Variants in TENM3 observed in about 807,000 individuals in gnomAD.
TENM3 encodes teneurin-3.
In TENM3, 63 loss-of-function variants were observed where a neutral mutation model predicts 255.1. The observed-to-expected ratio is 0.25, with a 90% confidence interval of 0.20 to 0.30. The LOEUF is 0.30. TENM3 is among the 10% of genes least tolerant of loss of function. The probability of loss-of-function intolerance (pLI) is 1.00; values close to 1 mark genes in which losing one functional copy is unlikely to be tolerated. For missense variants in TENM3, 2,929 were observed against 3,461.1 expected (o/e 0.85, Z 3.86); for synonymous variants, 1,306 against 1,322.3 (o/e 0.99, Z 0.27).
chr4:181,631,176 G>A, the TENM3 span, among the ~76,000 whole-genome samples: 1 of 152,110 alleles, frequency 6.6e-6, no homozygotes, highest in Non-Finnish European at 1.5e-5. Flanking sequence ...GCATCCTGAT[G>A]TCTGTTAGCT....
chr4:181,715,994 G>T, the TENM3 span, among the ~76,000 whole-genome samples: 1 of 152,100 alleles, frequency 6.6e-6, no homozygotes, highest in Non-Finnish European at 1.5e-5. Context: ...TTAGTCCATT[G>T]CATGGTTTTA....
chr4:182,415,382 A>T (rs1770293354), intron 3 of TENM3, among the ~76,000 whole-genome samples: 1 of 152,344 alleles, frequency 6.6e-6, no homozygotes, highest in East Asian at 1.9e-4. Flanking sequence ...ATGTAATGTT[A>T]TGACCAAAAT....
the TENM3 span, chr4:181,523,040 C>A: frequency 3.8e-5 from 23 of 603,594 alleles, no homozygotes; most frequent in South Asian, 3.1e-4. Context: ...GAAGGGAAAT[C>A]GCAAACGGAC....
At chr4:181,835,914 G>A in the TENM3 span, among the ~76,000 whole-genome samples, 1 of 152,132 alleles carries the variant, frequency 6.6e-6, no homozygotes, top group African/African-American at 2.4e-5. Flanking sequence ...TCTACTTTCA[G>A]GAATCTATTC....
At chr4:181,668,844 T>A in the TENM3 span, among the ~76,000 whole-genome samples, 1 of 152,170 alleles carries the variant, frequency 6.6e-6, no homozygotes, top group Non-Finnish European at 1.5e-5. Flanking sequence ...CTTCTCCTTA[T>A]CTCTTATTCG....
At chr4:181,889,219 A>G in the TENM3 span, among the ~76,000 whole-genome samples, 1 of 152,152 alleles carries the variant, frequency 6.6e-6, no homozygotes, top group African/African-American at 2.4e-5. Context: ...TGAGGGGCTT[A>G]GCACCATCCT....
chr4:182,100,670 C>CAT, the TENM3 span, among the ~76,000 whole-genome samples: 9 of 76,430 alleles, frequency 1.2e-4, 1 homozygote, highest in Admixed American at 1.5e-3. Flanking sequence ...CATATATACA[C>CAT]ATATATATAC....
chr4:182,537,001 G>A (rs527897303), intron 3 of TENM3, among the ~76,000 whole-genome samples: 1 of 152,096 alleles, frequency 6.6e-6, no homozygotes, highest in South Asian at 2.1e-4. Flanking sequence ...GATACACTAG[G>A]TACTTTGAAG....
intron 3 of TENM3, among the ~76,000 whole-genome samples, chr4:182,484,391 A>T (rs1016512247): frequency 1.3e-5 from 2 of 152,146 alleles, no homozygotes; most frequent in African/African-American, 4.8e-5. Context: ...AGAGTGCACT[A>T]TTACCAATCA....
At chr4:182,065,138 G>T in the TENM3 span, among the ~76,000 whole-genome samples, 5 of 151,044 alleles carry the variant, frequency 3.3e-5, no homozygotes, top group African/African-American at 1.2e-4. Flanking sequence ...GAGTTCAAGC[G>T]ATTCTCCTGC....
chr4:182,761,601 TAC>T (rs748840180), intron 22 of TENM3, among the ~76,000 whole-genome samples: 118 of 151,886 alleles, frequency 7.8e-4, no homozygotes, highest in Non-Finnish European at 1.5e-3. Flanking sequence ...TATATATGTA[TAC>T]ACACACACAC....
intron 3 of TENM3, among the ~76,000 whole-genome samples, chr4:182,472,268 T>C (rs1167511481): frequency 6.6e-6 from 1 of 152,196 alleles, no homozygotes; most frequent in Non-Finnish European, 1.5e-5. Context: ...CTCAATTTAC[T>C]AATTTGTAAT....
the TENM3 span, among the ~76,000 whole-genome samples, chr4:181,738,901 A>G: frequency 6.6e-6 from 1 of 151,996 alleles, no homozygotes; most frequent in Non-Finnish European, 1.5e-5. Context: ...GGCCTCACAC[A>G]AGCTATTCCA....
At chr4:182,284,698 G>C (rs933576294) in intron 1 of TENM3, among the ~76,000 whole-genome samples, 1 of 152,012 alleles carries the variant, frequency 6.6e-6, no homozygotes, top group Non-Finnish European at 1.5e-5. Flanking sequence ...CCAGTAGTTG[G>C]GAAGGGAAAA....
In TENM3 at chr4:182,292,559, G is replaced by T. The variant is rs553360098; in HGVS notation, c.-75-31387G>T. 2.3e-3 allele frequency among the ~76,000 whole-genome samples: 345 copies of T among 152,290 alleles called. 1 individual carries two copies. The highest frequency in any genetic ancestry group is 4.4e-3 in the Non-Finnish European group (300 of 68,022). On this transcript the variant is annotated intron_variant, in intron 1 of 27. Coordinates refer to ENST00000511685, the MANE Select transcript of TENM3 (RefSeq NM_001080477.4). ...CTACATCAGCCACCAGTTCCAAAAG[G>T]TATATGTTTTTGTCACAGTTCCTTT...
intron 3 of TENM3, among the ~76,000 whole-genome samples, chr4:182,586,918 G>T (rs1746075822): frequency 6.6e-6 from 1 of 152,060 alleles, no homozygotes; most frequent in South Asian, 2.1e-4. Context: ...TAGCGTCATT[G>T]GGAACTTTAT....
intron 4 of TENM3, among the ~76,000 whole-genome samples, chr4:182,607,007 T>G (rs558862755): frequency 5.4e-4 from 82 of 152,352 alleles, no homozygotes; most frequent in South Asian, 1.7e-3. Context: ...TCACTAACTA[T>G]TTAAATGTGA....
chr4:181,698,213 C>CA, the TENM3 span, among the ~76,000 whole-genome samples: 2,318 of 119,414 alleles, frequency 0.019, 66 homozygotes, highest in African/African-American at 0.069. Flanking sequence ...GACTCTGTCT[C>CA]AAAAAAAAAA....
At chr4:181,490,828 A>G in the TENM3 span, among the ~76,000 whole-genome samples, 1 of 152,108 alleles carries the variant, frequency 6.6e-6, no homozygotes, top group African/African-American at 2.4e-5. Context: ...CCCTTTGATG[A>G]GTCTCTAGAG....
Sources: gnomAD v4.1 joint callset for allele counts (sites outside exome capture counted in the v4.1 genomes callset) on GRCh38, gnomAD v4.1.1 for gene constraint, MANE v1.5 for transcripts, NCBI Gene and HGNC (gene_info 2026-07-23, HGNC 2026-07-21) for gene names.